ZNF578: variants seen among roughly 807,000 people sequenced by gnomAD.
ZNF578 encodes Putative chemokine-related protein B42.
Under a neutral mutation model 8.3 loss-of-function variants are expected in ZNF578, and 8 were observed. The observed-to-expected ratio is 0.96, with a 90% confidence interval of 0.56 to 1.74. ZNF578 has a LOEUF of 1.74. Ranked by LOEUF, ZNF578 falls within the 40% of genes most tolerant of loss-of-function variation. The probability of loss-of-function intolerance (pLI) is 0.00; values close to 1 mark genes in which losing one functional copy is unlikely to be tolerated. For synonymous variants in ZNF578, 206 were observed against 232.2 expected (o/e 0.89, Z 1.03); for missense variants, 726 against 707.5 (o/e 1.03, Z -0.30).
In ZNF578 at chr19:52,512,462, G is replaced by A. The variant is rs326434; in HGVS notation, c.*308G>A. On this transcript the variant is annotated 3_prime_UTR_variant, in exon 6 of 6. Coordinates refer to ENST00000421239, the MANE Select transcript of ZNF578 (RefSeq NM_001099694.2). ...AAATGTGGCAAATTTTTCAGACATC[G>A]TTCATACCTTGCAGTTCATCAGTGA... 4.6e-6 allele frequency: 6 copies of A among 1,317,102 alleles called. No homozygotes were observed. The African/African-American group carries it at 7.3e-5, about 16-fold the overall frequency. 81.6% of individuals were successfully genotyped at this position (1,317,102 alleles called of 1,614,324 possible).
intron 2 of ZNF578, among the ~76,000 whole-genome samples, chr19:52,475,953 C>T (rs558363109): frequency 7.3e-4 from 111 of 152,296 alleles, no homozygotes; most frequent in African/African-American, 2.5e-3. Flanking sequence ...AGGCTCCTTT[C>T]ATGCCCTTCC....
intron 5 of ZNF578, among the ~76,000 whole-genome samples, chr19:52,508,994 T>C (rs1456256070): frequency 7.0e-6 from 1 of 143,018 alleles, no homozygotes; most frequent in Non-Finnish European, 1.5e-5. Context: ...CTCCGGCTCC[T>C]GGGTTCAAAA....
At chr19:52,465,233 G>A (rs1791080688) in intron 2 of ZNF578, among the ~76,000 whole-genome samples, 1 of 152,104 alleles carries the variant, frequency 6.6e-6, no homozygotes, top group African/African-American at 2.4e-5. Context: ...GGTAATAATT[G>A]GCACGGAGAG....
intron 3 of ZNF578, among the ~76,000 whole-genome samples, chr19:52,492,537 G>T (rs974878265): frequency 1.3e-5 from 2 of 152,170 alleles, no homozygotes; most frequent in African/African-American, 4.8e-5. Flanking sequence ...GTTCCTCCCA[G>T]GCAGGGCTTT....
At chr19:52,481,964 C>T (rs2059328023) in intron 2 of ZNF578, among the ~76,000 whole-genome samples, 1 of 152,052 alleles carries the variant, frequency 6.6e-6, no homozygotes, top group South Asian at 2.1e-4. Flanking sequence ...AAATCCTGGG[C>T]TCAAAGGATC....
chr19:52,501,579 C>T lies in ZNF578; in HGVS notation c.-19-248C>T, dbSNP rs565880212. Reference sequence around the variant, plus strand: ...TGCCCTGAAGGAGAGATCAGTCCAGCCCAGCTCCCCACTGCTGCCTCGTGT... The same window carrying T: ...TGCCCTGAAGGAGAGATCAGTCCAGTCCAGCTCCCCACTGCTGCCTCGTGT... On this transcript the variant is annotated intron_variant, in intron 3 of 5. Transcript: ENST00000421239. Among the ~76,000 whole-genome samples the T allele has an allele frequency of 3.3e-5, 5 of 152,214 alleles. No homozygotes were observed. In the South Asian group the frequency reaches 8.3e-4, roughly 25 times the overall value.
At chr19:52,461,717 T>C (rs1287531643) in intron 2 of ZNF578, among the ~76,000 whole-genome samples, 2 of 152,248 alleles carry the variant, frequency 1.3e-5, no homozygotes, top group Non-Finnish European at 2.9e-5. Flanking sequence ...GACACAACTC[T>C]GAATGGATAC....
chr19:52,494,475 C>G (rs1438620516), intron 3 of ZNF578, among the ~76,000 whole-genome samples: 2 of 152,114 alleles, frequency 1.3e-5, no homozygotes, highest in African/African-American at 2.4e-5. Flanking sequence ...CCAGCCTGGT[C>G]AAAAGAGCAA....
intron 2 of ZNF578, among the ~76,000 whole-genome samples, chr19:52,489,801 G>GC (rs1313482888): frequency 6.6e-6 from 1 of 151,404 alleles, no homozygotes; most frequent in Non-Finnish European, 1.5e-5. Flanking sequence ...GACTACAGGC[G>GC]CCCGCCACCA....
At chr19:52,489,339 C>T (rs945687750) in intron 2 of ZNF578, among the ~76,000 whole-genome samples, 3 of 152,126 alleles carry the variant, frequency 2.0e-5, no homozygotes, top group African/African-American at 7.2e-5. Flanking sequence ...CTTGTAACGC[C>T]AGCACTTTGG....
intron 4 of ZNF578, among the ~76,000 whole-genome samples, chr19:52,502,746 AG>A (rs1279993348): frequency 6.6e-6 from 1 of 152,148 alleles, no homozygotes; most frequent in Non-Finnish European, 1.5e-5. Flanking sequence ...CAAAAGAAAA[AG>A]AGAGGGAGAG....
intron 4 of ZNF578, among the ~76,000 whole-genome samples, chr19:52,503,738 A>G (rs1188003006): frequency 6.6e-6 from 1 of 151,990 alleles, no homozygotes; most frequent in African/African-American, 2.4e-5. Context: ...TCTAGAGACT[A>G]AATATCAGCT....
chr19:52,512,052 T>C lies in ZNF578; in HGVS notation c.1671T>C (p.His557=). 1 of 1,613,864 alleles carries C rather than the reference T, an allele frequency of 6.2e-7. No homozygotes were observed. The highest frequency in any genetic ancestry group is 1.1e-5 in the South Asian group (1 of 91,062). The change falls in exon 6 of 6, where the codon CAT becomes CAC. Residue 557 remains histidine (H), a synonymous_variant. Coordinates refer to ENST00000421239, the MANE Select transcript of ZNF578 (RefSeq NM_001099694.2). The part of the protein sequence containing the change: ...AFMCHSYLAN[H]TRIHSGEKPY... ...TGTGCCATTCTTATCTGGCAAACCA[T>C]ACTAGAATTCATAGCGGAGAGAAAC...
chr19:52,497,047 C>T (rs1240496647), intron 3 of ZNF578, among the ~76,000 whole-genome samples: 10 of 152,140 alleles, frequency 6.6e-5, no homozygotes, highest in African/African-American at 2.4e-4. Flanking sequence ...ATTTTCCCAC[C>T]TCAGCCTCCG....
intron 4 of ZNF578, among the ~76,000 whole-genome samples, chr19:52,502,728 C>T (rs1292724472): frequency 6.6e-6 from 1 of 152,106 alleles, no homozygotes; most frequent in African/African-American, 2.4e-5. Flanking sequence ...CGGAGCAAGA[C>T]TCTGTCTCAA....
At chr19:52,507,103 A>AT (rs1189165539) in intron 5 of ZNF578, among the ~76,000 whole-genome samples, 1 of 152,162 alleles carries the variant, frequency 6.6e-6, no homozygotes, top group Non-Finnish European at 1.5e-5. Context: ...ATTAAAAAAA[A>AT]CTGGATGGTC....
At chr19:52,502,154 G>C (rs9636145) in intron 4 of ZNF578, among the ~76,000 whole-genome samples, 1 of 151,982 alleles carries the variant, frequency 6.6e-6, no homozygotes, top group South Asian at 2.1e-4. Context: ...ATGGTCCTGG[G>C]AAGGGCTCAC....
In ZNF578 at chr19:52,512,950, C is replaced by T. The variant is rs2059455229; in HGVS notation, c.*796C>T. ...ATCCCAGCACATTGGGAGGCCAAGG[C>T]ACATAGGTCACTTGAGGTCAAGAGT... On this transcript the variant is annotated 3_prime_UTR_variant, in exon 6 of 6. Transcript: ENST00000421239. 6.6e-6 allele frequency among the ~76,000 whole-genome samples: 1 copy of T among 152,094 alleles called. No individual in the cohort carries two copies. Among genetic ancestry groups the T allele is most frequent in the Non-Finnish European group, 1.5e-5 (1 of 68,034 alleles).
chr19:52,487,277 T>C lies in ZNF578; in HGVS notation c.-121-4047T>C, dbSNP rs753903998. On this transcript the variant is annotated intron_variant, in intron 2 of 5. Transcript: ENST00000421239. ...CCAGGAGGTCCAGGCTGCACTGAGC[T>C]GAGATCATGCCACTATACTGCAGCC... Among the ~76,000 whole-genome samples, 4 of 152,146 alleles carry C rather than the reference T, an allele frequency of 2.6e-5. No homozygotes were observed. In the South Asian group the frequency reaches 8.3e-4, roughly 32 times the overall value.
Sources: gnomAD v4.1 joint callset for allele counts (sites outside exome capture counted in the v4.1 genomes callset) on GRCh38, gnomAD v4.1.1 for gene constraint, MANE v1.5 for transcripts, NCBI Gene and HGNC (gene_info 2026-07-23, HGNC 2026-07-21) for gene names.